Variants in FREM1 observed in about 807,000 individuals in gnomAD.
FREM1 encodes FRAS1 related extracellular matrix 1, also known as FRAS1-related extracellular matrix protein 1.
A neutral mutation model predicts 210.1 loss-of-function variants in FREM1; 220 were observed. The ratio of observed to expected loss-of-function variants is 1.05; its 90% CI spans 0.94 to 1.17. FREM1 has a LOEUF of 1.17. Ranked by LOEUF, FREM1 falls within the 50% of genes most tolerant of loss-of-function variation. The probability of loss-of-function intolerance (pLI) is 0.00; values close to 1 mark genes in which losing one functional copy is unlikely to be tolerated. For missense variants in FREM1, 3,454 were observed against 2,675.5 expected, an observed-to-expected ratio of 1.29 and a Z score of -6.42; for synonymous variants, 1,189 against 980.2, an observed-to-expected ratio of 1.21 and a Z score of -3.98.
upstream of FREM1, chr9:14,910,459 G>C (rs1398252473): frequency 3.3e-5 from 5 of 152,778 alleles, no homozygotes; most frequent in East Asian, 9.6e-4. Flanking sequence ...AGCCAGAGCA[G>C]CCTCTCCCGC....
intron 27 of FREM1, among the ~76,000 whole-genome samples, chr9:14,767,030 T>G (rs1184609577): frequency 2.0e-5 from 3 of 152,240 alleles, no homozygotes; most frequent in Non-Finnish European, 4.4e-5. Flanking sequence ...GATGCTTTCA[T>G]ATACGTTACA....
intron 1 of FREM1, among the ~76,000 whole-genome samples, chr9:14,873,681 G>T (rs1588516747): frequency 1.3e-5 from 2 of 152,192 alleles, no homozygotes; most frequent in Middle Eastern, 6.8e-3. Flanking sequence ...GTTCTGCTCT[G>T]ATTTTAGTTA....
chr9:14,857,710 G>T lies in FREM1; in HGVS notation c.671C>A (p.Thr224Asn). 6.2e-7 allele frequency: 1 copy of T among 1,612,832 alleles called. No individual in the cohort carries two copies. Among genetic ancestry groups the T allele is most frequent in the Non-Finnish European group, 8.5e-7 (1 of 1,179,286 alleles). Residue 224 changes from threonine (T) to asparagine (N), a missense_variant, in exon 5 of 37, where the codon ACC (threonine) becomes AAC (asparagine). Physicochemically the swap from Thr to Asn is moderately conservative, Grantham distance 65 (BLOSUM62 0). Transcript: ENST00000380880. ...AKLKCPGGSC[T>N]PGLKKIGSLK... ...GCTTCCTATTTTCTTTAATCCTGGG[G>T]TACAGCTCCCACCTGGACACTTCAG...
rs372173699 is a variant in FREM1 at position 14,842,255 on chromosome 9, T to C, written c.1738+61A>G. 3.3e-5 allele frequency: 35 copies of C among 1,068,948 alleles called. No individual in the cohort carries two copies. The Admixed American group carries it at 4.1e-4, about 13-fold the overall frequency. The allele number at this position is 1,068,948 out of a possible 1,614,324, so 66.2% of individuals were successfully genotyped here. A position where few individuals can be genotyped will look rare whatever the true frequency, so the allele number is the denominator to read the frequency against. On this transcript the variant is annotated intron_variant, in intron 9 of 36. Coordinates refer to ENST00000380880, the MANE Select transcript of FREM1 (RefSeq NM_001379081.2). ...ATTTCAGCAAACCCAGAAGGATGCATAGAAGGTTCTCTATGGAAGAGTGAA... is the reference window on the plus strand; with the variant it reads ...ATTTCAGCAAACCCAGAAGGATGCACAGAAGGTTCTCTATGGAAGAGTGAA...
chr9:14,764,140 G>A (rs1233859149), intron 27 of FREM1, among the ~76,000 whole-genome samples: 1 of 152,104 alleles, frequency 6.6e-6, no homozygotes. Flanking sequence ...ATGACTTTAC[G>A]AGGGGTTTCC....
At chr9:14,891,958 G>T (rs1336468195) in intron 1 of FREM1, among the ~76,000 whole-genome samples, 2 of 152,156 alleles carry the variant, frequency 1.3e-5, no homozygotes, top group African/African-American at 4.8e-5. Flanking sequence ...GGTATTTGCT[G>T]CCTGCTCTGT....
At chr9:14,871,578 C>A (rs963608967) in intron 1 of FREM1, among the ~76,000 whole-genome samples, 1 of 152,006 alleles carries the variant, frequency 6.6e-6, no homozygotes, top group East Asian at 1.9e-4. Flanking sequence ...GAGTAGGTTG[C>A]GAAAATTTTC....
chr9:14,834,051 T>C (rs1364645490), intron 10 of FREM1, among the ~76,000 whole-genome samples: 1 of 152,218 alleles, frequency 6.6e-6, no homozygotes, highest in East Asian at 1.9e-4. Flanking sequence ...TCTGATGGTT[T>C]TGAGTTTTGG....
chr9:14,779,563 A>C (rs1849308109), intron 24 of FREM1: 2 of 870,274 alleles, frequency 2.3e-6, no homozygotes, highest in Non-Finnish European at 1.4e-6. Context: ...CGGGGTCCTC[A>C]AAGCTCATCT....
chr9:14,760,527 G>A (rs1587770551), intron 27 of FREM1, among the ~76,000 whole-genome samples: 2 of 152,138 alleles, frequency 1.3e-5, no homozygotes, highest in African/African-American at 2.4e-5. Context: ...GAGAAATAGA[G>A]GATAGTCTTT....
intron 1 of FREM1, among the ~76,000 whole-genome samples, chr9:14,892,453 G>A (rs556478777): frequency 3.2e-4 from 48 of 152,228 alleles, no homozygotes; most frequent in Non-Finnish European, 5.6e-4. Flanking sequence ...ACGCTTGACC[G>A]AACTTGGGTT....
chr9:14,862,036 T>C (rs549539121), intron 3 of FREM1, among the ~76,000 whole-genome samples: 1 of 152,348 alleles, frequency 6.6e-6, no homozygotes, highest in Non-Finnish European at 1.5e-5. Context: ...TTTTTAACTC[T>C]AAAGTCTTAG....
intron 1 of FREM1, among the ~76,000 whole-genome samples, chr9:14,900,693 T>C (rs767520560): frequency 2.0e-5 from 3 of 152,300 alleles, no homozygotes; most frequent in East Asian, 1.9e-4. Context: ...AAACGTTTCA[T>C]TGGCAGCCTA....
At position 14,748,601 on chromosome 9, in the gene FREM1, G is replaced by GC; in HGVS notation, c.5595dup (p.His1866AlafsTer50). 1 of 1,613,672 alleles carries GC rather than the reference G, an allele frequency of 6.2e-7. No homozygotes were observed. The highest frequency in any genetic ancestry group is 8.5e-7 in the Non-Finnish European group (1 of 1,179,730). ...CAAATGCCCTTCTCCCATGTGCTGT[G>GC]CTTGCTTTGGTTGGAGGAATATGAA... is the stretch of plus-strand genomic sequence containing the variant. On this transcript the variant is annotated frameshift_variant, in exon 31 of 37. Coordinates refer to ENST00000380880, the MANE Select transcript of FREM1 (RefSeq NM_001379081.2). LOFTEE classifies it high-confidence loss of function.
rs1458684089 is a variant in FREM1, at chr9:14,770,676, G to C, written c.4988C>G (p.Thr1663Ser). ...SRVLKASDPD[T>S]EDDQIIFKIL... ...TTTAAAGATGATCTGATCGTCCTCA[G>C]TGTCAGGGTCTGATGCCTTCAACAC... Residue 1663 changes from threonine (T) to serine (S), a missense_variant, in exon 26 of 37, where the codon ACT (threonine) becomes AGT (serine). Physicochemically the swap from Thr to Ser is moderately conservative, Grantham distance 58. Transcript: ENST00000380880. The C allele has an allele frequency of 1.5e-5, 25 of 1,613,394 alleles. No individual in the cohort carries two copies. The Admixed American group carries it at 4.0e-4, about 26-fold the overall frequency.
intron 27 of FREM1, among the ~76,000 whole-genome samples, chr9:14,761,971 T>C (rs1480097895): frequency 1.3e-5 from 2 of 152,208 alleles, no homozygotes; most frequent in East Asian, 1.9e-4. Context: ...TTAAACTTTA[T>C]CCTAGCAACG....
chr9:14,876,765 C>T (rs551889019), intron 1 of FREM1, among the ~76,000 whole-genome samples: 1 of 152,324 alleles, frequency 6.6e-6, no homozygotes, highest in South Asian at 2.1e-4. Context: ...CACCCGTCTT[C>T]TGCATCGCTC....
At chr9:14,741,597 T>C (rs1841591092) in intron 35 of FREM1, among the ~76,000 whole-genome samples, 1 of 152,184 alleles carries the variant, frequency 6.6e-6, no homozygotes, top group South Asian at 2.1e-4. Flanking sequence ...TAAAGCGCTG[T>C]AGGCTTAGAA....
intron 14 of FREM1, among the ~76,000 whole-genome samples, chr9:14,818,080 C>A (rs1820629002): frequency 6.6e-6 from 1 of 152,156 alleles, no homozygotes; most frequent in African/African-American, 2.4e-5. Flanking sequence ...GTGCTTAGTT[C>A]TTCAATTAAA....
Sources: gnomAD v4.1 joint callset for allele counts (sites outside exome capture counted in the v4.1 genomes callset) on GRCh38, gnomAD v4.1.1 for gene constraint, MANE v1.5 for transcripts, NCBI Gene and HGNC (gene_info 2026-07-23, HGNC 2026-07-21) for gene names.